KIF7: variants seen among roughly 807,000 people sequenced by gnomAD.
KIF7 encodes kinesin-like protein KIF7.
KIF7 carries 104 observed loss-of-function variants against 135.7 expected under a neutral mutation model. The observed-to-expected ratio is 0.77, with a 90% CI of 0.65 to 0.90. KIF7 has a LOEUF of 0.90. KIF7 is among the 40% of genes least tolerant of loss of function. KIF7 has a pLI of 0.00. For missense variants in KIF7, 2,005 were observed against 1,839.1 expected (o/e 1.09, Z -1.65); for synonymous variants, 883 against 809.4 (o/e 1.09, Z -1.54).
downstream of KIF7, chr15:89,623,737 G>A: frequency 6.2e-7 from 1 of 1,613,992 alleles, no homozygotes; most frequent in Non-Finnish European, 8.5e-7. Flanking sequence ...GAAGTCCCCT[G>A]CAAAAATGAC....
chr15:89,650,519 G>A (rs1964107232), intron 2 of KIF7, among the ~76,000 whole-genome samples: 1 of 152,074 alleles, frequency 6.6e-6, no homozygotes, highest in Non-Finnish European at 1.5e-5. Context: ...TCAGCCTCCT[G>A]AGTAGCTGGG....
chr15:89,631,977 C>A (rs1963689108), intron 14 of KIF7, among the ~76,000 whole-genome samples: 1 of 152,178 alleles, frequency 6.6e-6, no homozygotes, highest in Admixed American at 6.5e-5. Context: ...CAAGAACAGG[C>A]AATGGGTAGG....
chr15:89,634,486 G>A (rs8041880), intron 11 of KIF7, among the ~76,000 whole-genome samples: 77,077 of 152,076 alleles, frequency 0.51, 20,105 homozygotes, highest in Non-Finnish European at 0.58. Flanking sequence ...TGCGCGAGCC[G>A]AAGCAGGGCG....
At chr15:89,618,220 ATC>A in intron 1 of KIF7, 1 of 1,613,560 alleles carries the variant, frequency 6.2e-7, no homozygotes, top group South Asian at 1.1e-5. Flanking sequence ...GGTGAGTGTT[ATC>A]TCTTTTTGTT....
intron 2 of KIF7, among the ~76,000 whole-genome samples, chr15:89,651,935 GCGA>G (rs1242624581): frequency 1.3e-5 from 2 of 152,168 alleles, no homozygotes; most frequent in African/African-American, 2.4e-5. Flanking sequence ...GAGAGAGACA[GCGA>G]CTGTCTGTAA....
At chr15:89,646,744 A>C in intron 7 of KIF7, 86 bp downstream of exon 7, 1 of 1,167,094 alleles carries the variant, frequency 8.6e-7, no homozygotes, top group Non-Finnish European at 1.3e-6. Context: ...TGAGTGGGGG[A>C]CACGTGCCCC....
At chr15:89,624,870 G>T, downstream of KIF7, 1 of 1,613,976 alleles carries the variant, frequency 6.2e-7, no homozygotes, top group South Asian at 1.1e-5. Context: ...CTCCTCTGAT[G>T]CCTTCCCGTG....
rs1426225418 is a variant in KIF7 at position 89,633,666 on chromosome 15, C to T, written c.2592+20G>A. On this transcript the variant is annotated intron_variant, in intron 12 of 18. Transcript: ENST00000394412. ...CCTATTGGCCTGGACAGAAGGTCCC[C>T]ACCCTGCCGTGAGCCTGACCTTGAC... 1 of 1,603,396 alleles carries T rather than the reference C, an allele frequency of 6.2e-7. No homozygotes were observed. The highest frequency in any genetic ancestry group is 1.1e-5 in the South Asian group (1 of 90,508).
At position 89,628,548 on chromosome 15, in the gene KIF7, G is replaced by A. The variant is rs749589340; in HGVS notation, c.3903C>T (p.Pro1301=). The A allele has an allele frequency of 6.2e-7, 1 of 1,613,300 alleles. No individual in the cohort carries two copies. Among genetic ancestry groups the A allele is most frequent in the South Asian group, 1.1e-5 (1 of 91,082 alleles). ...EELRQREAAE[P]LVGRVLPVGE... The stretch of plus-strand genomic sequence containing the variant: ...CCACAGGAAGCACCCGCCCCACCAG[G>A]GGCTCAGCCGCCTCCCGCTGCCTCA... Residue 1301 remains proline (P), a synonymous_variant, in exon 19 of 19, where the codon CCC becomes CCT. Coordinates refer to ENST00000394412, the MANE Select transcript of KIF7 (RefSeq NM_198525.3).
In KIF7 at chr15:89,646,972, C is replaced by A. The variant is rs1222355686; in HGVS notation, c.1646G>T (p.Arg549Leu). 1 of 1,613,106 alleles carries A rather than the reference C, an allele frequency of 6.2e-7. No homozygotes were observed. The highest frequency in any genetic ancestry group is 8.5e-7 in the Non-Finnish European group (1 of 1,179,750). The change falls in exon 7 of 19, where the codon CGG becomes CTG. Residue 549 changes from arginine (R) to leucine (L), a missense_variant. Arg to Leu is a moderately radical substitution (Grantham distance 102). Transcript: ENST00000394412. ...CCCGGGAGGCAGGCCATTCAGGAGCCGCGGGCCCCCCCAGCCTGGCCGCAC... is the reference window on the plus strand; with the variant it reads ...CCCGGGAGGCAGGCCATTCAGGAGCAGCGGGCCCCCCCAGCCTGGCCGCAC... ...ELVRPGWGGP[R>L]LLNGLPPGSF...
Position 89,647,665 on chromosome 15 carries a change from C to A in KIF7, c.1491G>T (p.Ala497=), listed in dbSNP as rs942043191. 1.2e-6 allele frequency: 2 copies of A among 1,609,364 alleles called. No homozygotes were observed. The highest frequency in any genetic ancestry group is 1.7e-6 in the Non-Finnish European group (2 of 1,179,242). ...QQLLTLQNQV[A]RLEEENRDFL... ...AGTCTCGGTTCTCCTCCTCCAGCCG[C>A]GCCACCTGGTTCTGCAGGGTCAGCA... is the stretch of plus-strand genomic sequence containing the variant. Residue 497 remains alanine (A), a synonymous_variant, in exon 6 of 19, where the codon GCG becomes GCT. Coordinates refer to ENST00000394412, the MANE Select transcript of KIF7 (RefSeq NM_198525.3).
intron 7 of KIF7, 48 bp from the exon 8 acceptor site, chr15:89,646,074 T>C: frequency 6.2e-7 from 1 of 1,610,558 alleles, no homozygotes; most frequent in Non-Finnish European, 8.5e-7. Flanking sequence ...CCCTGCGATA[T>C]ACCCCACCTT....
Position 89,652,970 on chromosome 15 carries a change from G to A in KIF7, c.-24-16C>T, listed in dbSNP as rs1019235793. On this transcript the variant is annotated splice_polypyrimidine_tract_variant and intron_variant, in intron 1 of 18. Transcript: ENST00000394412. ...GCTCTGGGCCCTGTGGAGAGAGAGA[G>A]AAGCCCTGGCCATCAGCACTTGTAC... 8 of 1,454,082 alleles carry A rather than the reference G, an allele frequency of 5.5e-6. No homozygotes were observed. Among genetic ancestry groups the A allele is most frequent in the South Asian group, 2.8e-5 (2 of 71,632 alleles). The allele number at this position is 1,454,082 out of a possible 1,614,324, so 90.1% of individuals were successfully genotyped here. A position where few individuals can be genotyped will look rare whatever the true frequency, so the allele number is the denominator to read the frequency against.
At chr15:89,634,811 G>C (rs1277216880) in intron 11 of KIF7, among the ~76,000 whole-genome samples, 1 of 152,334 alleles carries the variant, frequency 6.6e-6, no homozygotes, top group Admixed American at 6.5e-5. Context: ...AGCTCGATCT[G>C]GGTGGAGCCC....
chr15:89,643,885 GAAA>G (rs11358124), intron 10 of KIF7, among the ~76,000 whole-genome samples: 3 of 91,540 alleles, frequency 3.3e-5, no homozygotes, highest in African/African-American at 8.3e-5. Context: ...CTCCGTCTCA[GAAA>G]AAAAAAAAAA....
chr15:89,629,384 G>T lies in KIF7; in HGVS notation c.3508C>A (p.Gln1170Lys). 6.3e-7 allele frequency: 1 copy of T among 1,597,210 alleles called. No individual in the cohort carries two copies. The stretch of plus-strand genomic sequence containing the variant: ...GGGCCGGGCTGCTCACCTCGACTCT[G>T]CTGCAGGAGCAGCTGCATGTTCTGC... ...HEQNMQLLLQ[Q>K]SRDHLGEGLA... The change falls in exon 17 of 19, where the codon CAG becomes AAG. Residue 1170 changes from glutamine (Q) to lysine (K), a missense_variant. Gln to Lys is a moderately conservative substitution (Grantham distance 53). Transcript: ENST00000394412.
At chr15:89,651,472 G>A (rs1964123433) in intron 2 of KIF7, among the ~76,000 whole-genome samples, 1 of 147,984 alleles carries the variant, frequency 6.8e-6, no homozygotes, top group Non-Finnish European at 1.5e-5. Flanking sequence ...GACCTCAGGT[G>A]ATCTGCCTGC....
intron 11 of KIF7, among the ~76,000 whole-genome samples, chr15:89,634,732 T>C (rs1401189369): frequency 2.6e-5 from 4 of 152,180 alleles, no homozygotes; most frequent in South Asian, 2.1e-4. Context: ...AACTGCAAGG[T>C]GGCAGCGAGG....
rs797044466 is a variant in KIF7 at position 89,649,085 on chromosome 15, TC to T, written c.811del (p.Glu271ArgfsTer51). ...GAGGCTGCTGTTGATCTGGATGCTCTCCTTGAGCCGCTCGCCGGTGCTGCCC... is the reference window on the plus strand; with the variant it reads ...GAGGCTGCTGTTGATCTGGATGCTCTCTTGAGCCGCTCGCCGGTGCTGCCC... Reference protein sequence around the residue: ...KTGSTGERLKESIQINSSLLA... With the variant: ...KTGSTGERLKXSIQINSSLLA... On this transcript the variant is annotated frameshift_variant, in exon 4 of 19. Transcript: ENST00000394412. LOFTEE classifies it high-confidence loss of function. 4 of 1,547,782 alleles carry T rather than the reference TC, an allele frequency of 2.6e-6. No homozygotes were observed. The highest frequency in any genetic ancestry group is 3.5e-6 in the Non-Finnish European group (4 of 1,146,708).
Sources: gnomAD v4.1 joint callset for allele counts (sites outside exome capture counted in the v4.1 genomes callset) on GRCh38, gnomAD v4.1.1 for gene constraint, MANE v1.5 for transcripts, NCBI Gene and HGNC (gene_info 2026-07-23, HGNC 2026-07-21) for gene names.